The following ARHGEF9 variants were observed in gnomAD, a reference collection of about 807,000 sequenced individuals.
The protein encoded by ARHGEF9 is rho guanine nucleotide exchange factor 9.
In ARHGEF9, 2 loss-of-function variants were observed where a neutral mutation model predicts 41.3. The observed-to-expected ratio is 0.05, with a 90% CI of 0.02 to 0.15. The LOEUF (loss-of-function observed/expected upper bound fraction) is 0.15, where lower values mean the gene tolerates loss of function less well. ARHGEF9 is among the 10% of genes least tolerant of loss of function. The pLI, the probability that ARHGEF9 is intolerant of heterozygous loss-of-function variation, is 1.00. For synonymous variants in ARHGEF9, 160 were observed against 154.4 expected (o/e 1.04, Z -0.27); for missense variants, 225 against 424.7 (o/e 0.53, Z 4.13).
intron 2 of ARHGEF9, chrX:63,715,843 G>A (rs2053254820): frequency 8.9e-6 from 1 of 112,270 alleles, no homozygotes; most frequent in African/African-American, 3.2e-5. Context: ...TGAGGAATGA[G>A]TGTGAATGGG....
In ARHGEF9 at chrX:63,749,075, C is replaced by T. The variant is rs1463564337; in HGVS notation, c.31-24364G>A. On this transcript the variant is annotated intron_variant, in intron 1 of 9. Coordinates refer to ENST00000671741, the MANE Select transcript of ARHGEF9 (RefSeq NM_001353921.2). ...TGAGTTTTCATAAAACTAAACAGAA[C>T]TCTTTGATGCATATTCAAGACAAAA... 2.7e-5 allele frequency among the ~76,000 whole-genome samples: 3 copies of T among 112,206 alleles called. No homozygotes were observed. The East Asian group carries it at 8.3e-4, about 31-fold the overall frequency.
At chrX:63,678,190 T>C (rs2050391848) in intron 5 of ARHGEF9, 150 bp downstream of exon 5, 8 of 530,521 alleles carry the variant, frequency 1.5e-5, no homozygotes, top group Non-Finnish European at 2.3e-5. Flanking sequence ...TTCTGTACCC[T>C]GTTGGCTATG....
intron 1 of ARHGEF9, among the ~76,000 whole-genome samples, chrX:63,773,647 T>G (rs1248542218): frequency 8.9e-6 from 1 of 112,078 alleles, no homozygotes; most frequent in Non-Finnish European, 1.9e-5. Context: ...CAAACATTAC[T>G]CTGGGTGTGT....
chrX:63,650,757 C>A lies in ARHGEF9; in HGVS notation c.1321+4737G>T, dbSNP rs1475857247. On this transcript the variant is annotated intron_variant, in intron 8 of 9. Coordinates refer to ENST00000671741, the MANE Select transcript of ARHGEF9 (RefSeq NM_001353921.2). ...TACAGGTATCAAAATATCACATGTA[C>A]CTTAAAAATATGTATAATGATTATA... 2.4e-4 allele frequency among the ~76,000 whole-genome samples: 26 copies of A among 110,002 alleles called. No homozygotes were observed. The Admixed American group carries it at 2.4e-3, about 10-fold the overall frequency.
chrX:63,686,077 C>T (rs1234537074), intron 4 of ARHGEF9, among the ~76,000 whole-genome samples: 1 of 111,320 alleles, frequency 9.0e-6, no homozygotes, highest in Non-Finnish European at 1.9e-5. Flanking sequence ...GCATATTTAC[C>T]GCAGCAACAT....
At chrX:63,641,749 T>C (rs1469351234) in intron 9 of ARHGEF9, 1 of 111,949 alleles carries the variant, frequency 8.9e-6, no homozygotes, top group Non-Finnish European at 1.9e-5. Context: ...GGATGCAAAG[T>C]ATTGTTGCTG....
intron 2 of ARHGEF9, among the ~76,000 whole-genome samples, chrX:63,720,311 C>T (rs2053565042): frequency 8.9e-6 from 1 of 111,786 alleles, no homozygotes; most frequent in African/African-American, 3.3e-5. Context: ...ACTTCAGTGA[C>T]CATATATAAC....
At chrX:63,730,897 G>C (rs563953554) in intron 1 of ARHGEF9, among the ~76,000 whole-genome samples, 1 of 112,049 alleles carries the variant, frequency 8.9e-6, no homozygotes, top group South Asian at 3.8e-4. Flanking sequence ...TGGGATTATG[G>C]CTGTCACCCA....
intron 2 of ARHGEF9, among the ~76,000 whole-genome samples, chrX:63,712,385 T>C (rs1311960638): frequency 1.8e-5 from 2 of 112,086 alleles, no homozygotes; most frequent in Non-Finnish European, 3.8e-5. Context: ...GTTCATTAAT[T>C]GATGAATGGA....
At chrX:63,753,389 A>G (rs1556443114) in intron 1 of ARHGEF9, among the ~76,000 whole-genome samples, 2 of 112,040 alleles carry the variant, frequency 1.8e-5, no homozygotes, top group Non-Finnish European at 3.8e-5. Context: ...AACGGGAGCA[A>G]ACAATAGCAT....
intron 1 of ARHGEF9, among the ~76,000 whole-genome samples, chrX:63,775,880 T>A (rs1556458080): frequency 9.0e-6 from 1 of 111,394 alleles, no homozygotes; most frequent in Non-Finnish European, 1.9e-5. Context: ...TTAAATACTG[T>A]CTCTTGGAAG....
chrX:63,638,104 A>G lies in ARHGEF9; in HGVS notation c.1496T>C (p.Phe499Ser). The change falls in exon 10 of 10, where the codon TTT (phenylalanine) becomes TCT (serine). Residue 499 changes from phenylalanine (F) to serine (S), a missense_variant. Physicochemically the swap from Phe to Ser is radical, Grantham distance 155. Coordinates refer to ENST00000671741, the MANE Select transcript of ARHGEF9 (RefSeq NM_001353921.2). ...GCTGCGCTTGGGTTCGGTGAACTCA[A>G]AGACCTGCGACTGAGCGATGCCGTC... is the stretch of plus-strand genomic sequence containing the variant. ...VPDGIAQSQV[F>S]EFTEPKRSQS... 8.3e-7 allele frequency: 1 copy of G among 1,209,797 alleles called. No homozygotes were observed. The highest frequency in any genetic ancestry group is 1.8e-5 in the South Asian group (1 of 56,340).
intron 8 of ARHGEF9, among the ~76,000 whole-genome samples, chrX:63,648,828 C>T (rs868996236): frequency 1.8e-5 from 2 of 111,298 alleles, no homozygotes; most frequent in Non-Finnish European, 3.8e-5. Flanking sequence ...AGACTTTAAA[C>T]CAACAAAGAT....
intron 7 of ARHGEF9, among the ~76,000 whole-genome samples, chrX:63,661,131 C>T (rs1173665226): frequency 8.9e-6 from 1 of 111,929 alleles, no homozygotes; most frequent in Non-Finnish European, 1.9e-5. Context: ...GTTTCAAATC[C>T]CCTTCTTCTT....
intron 1 of ARHGEF9, among the ~76,000 whole-genome samples, chrX:63,742,902 C>A (rs2055045086): frequency 8.9e-6 from 1 of 112,339 alleles, no homozygotes; most frequent in Admixed American, 9.4e-5. Context: ...TATCCAGTAG[C>A]ATATGCCTAC....
Position 63,637,900 on chromosome X carries a change from A to C in ARHGEF9, c.*128T>G. On this transcript the variant is annotated 3_prime_UTR_variant, in exon 10 of 10. Coordinates refer to ENST00000671741, the MANE Select transcript of ARHGEF9 (RefSeq NM_001353921.2). ...TGTGTGTCTGTGTGTGTGTGTGTGTATGTGTACTCAAGGGTCTCTGTGTGT... is the reference window on the plus strand; with the variant it reads ...TGTGTGTCTGTGTGTGTGTGTGTGTCTGTGTACTCAAGGGTCTCTGTGTGT... 8 of 395,663 alleles carry C rather than the reference A, an allele frequency of 2.0e-5. No homozygotes were observed. The highest frequency in any genetic ancestry group is 7.5e-4 in the Middle Eastern group (1 of 1,333). The allele number at this position is 395,663 out of a possible 1,213,427, so 32.6% of individuals were successfully genotyped here.
rs782479562 is a variant in ARHGEF9 at position 63,760,753 on chromosome X, G to T, written c.30+24363C>A. On this transcript the variant is annotated intron_variant, in intron 1 of 9. Transcript: ENST00000671741. ...TACTCACCTACTTTGGGCCCACATG[G>T]TGCTAGGCCTTTTAACATATTATTT... Among the ~76,000 whole-genome samples the T allele has an allele frequency of 1.1e-3, 127 of 111,667 alleles. 1 individual carries two copies. Among genetic ancestry groups the T allele is most frequent in the African/African-American group, 4.0e-3 (124 of 30,738 alleles).
chrX:63,767,277 T>C (rs2056128000), intron 1 of ARHGEF9: 2 of 579,055 alleles, frequency 3.5e-6, no homozygotes, highest in Admixed American at 2.3e-5. Flanking sequence ...AGGATGACGA[T>C]GATGAAGTTC....
rs150059048 is a variant in ARHGEF9, at chrX:63,725,425, A to G, written c.31-714T>C. Among the ~76,000 whole-genome samples, 546 of 112,350 alleles carry G rather than the reference A, an allele frequency of 4.9e-3. 3 individuals carry two copies. Among genetic ancestry groups the G allele is most frequent in the African/African-American group, 0.016 (499 of 30,906 alleles). ...GGGAGAGGTCTGGGTTGAATTCTGC[A>G]TTTGATGGATGGCAAAACTGAACAA... is the stretch of plus-strand genomic sequence containing the variant. On this transcript the variant is annotated intron_variant, in intron 1 of 9. Coordinates refer to ENST00000671741, the MANE Select transcript of ARHGEF9 (RefSeq NM_001353921.2).
Sources: gnomAD v4.1 joint callset for allele counts (sites outside exome capture counted in the v4.1 genomes callset) on GRCh38, gnomAD v4.1.1 for gene constraint, MANE v1.5 for transcripts, NCBI Gene and HGNC (gene_info 2026-07-23, HGNC 2026-07-21) for gene names.